The following ZFAND3 variants were observed in gnomAD, a reference collection of about 807,000 sequenced individuals.
The protein encoded by ZFAND3 is AN1-type zinc finger protein 3.
In ZFAND3, 10 loss-of-function variants were observed where a neutral mutation model predicts 29.6. That is an observed-to-expected ratio of 0.34 (90% CI 0.21 to 0.57). The LOEUF (loss-of-function observed/expected upper bound fraction) is 0.57, where lower values mean the gene tolerates loss of function less well. Ranked by LOEUF, ZFAND3 falls within the 20% of genes least tolerant of loss-of-function variation. The pLI is 0.86. For missense variants in ZFAND3, 230 were observed against 304.5 expected (o/e 0.76, Z 1.82); for synonymous variants, 128 against 112.6 (o/e 1.14, Z -0.87).
intron 2 of ZFAND3, among the ~76,000 whole-genome samples, chr6:38,013,519 A>G (rs1294151290): frequency 3.3e-5 from 5 of 152,192 alleles, no homozygotes; most frequent in African/African-American, 1.2e-4. Flanking sequence ...AGAACAACAC[A>G]TAGAAAGCAC....
chr6:37,957,634 A>C (rs530826070), intron 2 of ZFAND3, among the ~76,000 whole-genome samples: 1 of 152,310 alleles, frequency 6.6e-6, no homozygotes, highest in Non-Finnish European at 1.5e-5. Flanking sequence ...GTATGGAATA[A>C]TTGTTGCACA....
chr6:37,956,169 A>G (rs1762083482), intron 2 of ZFAND3, among the ~76,000 whole-genome samples: 1 of 152,204 alleles, frequency 6.6e-6, no homozygotes, highest in Non-Finnish European at 1.5e-5. Context: ...ATGTTTGAAA[A>G]ACAAAATAAT....
At chr6:37,877,307 A>G (rs984692917) in intron 1 of ZFAND3, among the ~76,000 whole-genome samples, 3 of 152,210 alleles carry the variant, frequency 2.0e-5, no homozygotes, top group South Asian at 4.1e-4. Context: ...TATGAACCTC[A>G]GATTATCATG....
chr6:38,103,751 G>A (rs1403233247), intron 4 of ZFAND3, among the ~76,000 whole-genome samples: 1 of 152,086 alleles, frequency 6.6e-6, no homozygotes, highest in African/African-American at 2.4e-5. Context: ...TAAAATTAGG[G>A]GACTTGGGCA....
rs114081923 is a variant in ZFAND3 at position 37,963,019 on chromosome 6, C to T, written c.112+33020C>T. Among the ~76,000 whole-genome samples, 1,040 of 152,216 alleles carry T rather than the reference C, an allele frequency of 6.8e-3. 12 individuals are homozygous for T. Among genetic ancestry groups the T allele is most frequent in the Non-Finnish European group, 7.1e-3 (483 of 68,008 alleles). The stretch of plus-strand genomic sequence containing the variant: ...CTGCGGCTTCACTCCTGAAGTCATG[C>T]GAGACCACAAACCCACCAGAAGGAA... On this transcript the variant is annotated intron_variant, in intron 2 of 5. Coordinates refer to ENST00000287218, the MANE Select transcript of ZFAND3 (RefSeq NM_021943.3).
intron 4 of ZFAND3, among the ~76,000 whole-genome samples, chr6:38,106,524 G>T (rs1765213232): frequency 1.3e-5 from 2 of 152,296 alleles, no homozygotes; most frequent in South Asian, 4.1e-4. Context: ...AAAATCATCT[G>T]TCTACATGCC....
chr6:37,981,543 G>A (rs2645125), intron 2 of ZFAND3, among the ~76,000 whole-genome samples: 119,310 of 152,032 alleles, frequency 0.78, 47,617 homozygotes, highest in Non-Finnish European at 0.85. Flanking sequence ...TTGTTACTGT[G>A]GGAGGATCAT....
At chr6:37,830,161 G>A (rs921420041) in intron 1 of ZFAND3, among the ~76,000 whole-genome samples, 4 of 152,146 alleles carry the variant, frequency 2.6e-5, no homozygotes, top group Admixed American at 2.0e-4. Context: ...TTAAAGTTGC[G>A]GTGCAGAAAA....
At position 38,153,592 on chromosome 6, in the gene ZFAND3, C is replaced by T; in HGVS notation, c.*1203C>T. ...GATATTTGCTCTGGTAGGTGAGGGC[C>T]TGAGGGTACATTTCTCCACCTGTGC... On this transcript the variant is annotated 3_prime_UTR_variant, in exon 6 of 6. Coordinates refer to ENST00000287218, the MANE Select transcript of ZFAND3 (RefSeq NM_021943.3). The T allele has an allele frequency of 1.0e-6, 1 of 985,442 alleles. No individual in the cohort carries two copies. Among genetic ancestry groups the T allele is most frequent in the Non-Finnish European group, 1.2e-6 (1 of 830,006 alleles). The allele number at this position is 985,442 out of a possible 1,614,324, so 61.0% of individuals were successfully genotyped here.
At chr6:38,047,969 TTTTG>T (rs1162358052) in intron 2 of ZFAND3, among the ~76,000 whole-genome samples, 5 of 131,596 alleles carry the variant, frequency 3.8e-5, no homozygotes, top group African/African-American at 1.3e-4. Flanking sequence ...TTTGGGTTTT[TTTTG>T]TTTTTTTTTT....
At chr6:37,844,758 T>G (rs1405631565) in intron 1 of ZFAND3, among the ~76,000 whole-genome samples, 2 of 150,610 alleles carry the variant, frequency 1.3e-5, no homozygotes, top group Non-Finnish European at 3.0e-5. Flanking sequence ...CTTACTCCTG[T>G]AATCCCAGCA....
At chr6:38,044,172 C>G (rs2645137) in intron 2 of ZFAND3, among the ~76,000 whole-genome samples, 48,603 of 152,004 alleles carry the variant, frequency 0.32, 8,193 homozygotes, top group Non-Finnish European at 0.38. Context: ...ACAGTCACTA[C>G]TAGTATAAGC....
chr6:37,953,205 T>G (rs1211569623), intron 2 of ZFAND3, among the ~76,000 whole-genome samples: 3 of 152,066 alleles, frequency 2.0e-5, no homozygotes, highest in Non-Finnish European at 2.9e-5. Context: ...TTTTTTCTTC[T>G]TTCCCTGCTG....
intron 2 of ZFAND3, among the ~76,000 whole-genome samples, chr6:37,936,365 A>G (rs928875910): frequency 3.3e-5 from 5 of 152,228 alleles, no homozygotes; most frequent in Non-Finnish European, 7.3e-5. Context: ...TGTATACTTT[A>G]TAAGGCAGTG....
At chr6:37,866,229 A>T (rs927598556) in intron 1 of ZFAND3, among the ~76,000 whole-genome samples, 21 of 152,182 alleles carry the variant, frequency 1.4e-4, no homozygotes, top group East Asian at 3.8e-4. Flanking sequence ...GAAGCTTTTT[A>T]AAAAAAGTAT....
chr6:38,060,873 C>T (rs1329563754), intron 2 of ZFAND3, among the ~76,000 whole-genome samples: 1 of 152,102 alleles, frequency 6.6e-6, no homozygotes, highest in Non-Finnish European at 1.5e-5. Flanking sequence ...GTTCATCAGT[C>T]TGCACTGCAG....
intron 3 of ZFAND3, among the ~76,000 whole-genome samples, chr6:38,071,918 A>G (rs543556029): frequency 6.6e-6 from 1 of 152,290 alleles, no homozygotes; most frequent in African/African-American, 2.4e-5. Context: ...AACCTACTTT[A>G]TGTGTTTTGA....
intron 1 of ZFAND3, among the ~76,000 whole-genome samples, chr6:37,832,160 A>G (rs1003607418): frequency 6.6e-6 from 1 of 152,182 alleles, no homozygotes; most frequent in Non-Finnish European, 1.5e-5. Context: ...TGGACCCTAG[A>G]TAAAGTAACC....
At chr6:37,937,175 T>C (rs1361257096) in intron 2 of ZFAND3, among the ~76,000 whole-genome samples, 1 of 152,216 alleles carries the variant, frequency 6.6e-6, no homozygotes, top group Non-Finnish European at 1.5e-5. Context: ...ATTTTGAGGC[T>C]TTACAGTAAG....
Sources: gnomAD v4.1 joint callset for allele counts (sites outside exome capture counted in the v4.1 genomes callset) on GRCh38, gnomAD v4.1.1 for gene constraint, MANE v1.5 for transcripts, NCBI Gene and HGNC (gene_info 2026-07-23, HGNC 2026-07-21) for gene names.